FBXL13: variants seen among roughly 807,000 people sequenced by gnomAD.
The protein encoded by FBXL13 is F-box and leucine rich repeat protein 13, also known as F-box and leucine-rich repeat protein 13.
A neutral mutation model predicts 83.6 loss-of-function variants in FBXL13; 67 were observed. The observed-to-expected ratio is 0.80, with a 90% CI of 0.66 to 0.98. The LOEUF (loss-of-function observed/expected upper bound fraction) is 0.98. Among genes scored for constraint, FBXL13 ranks in the 50% least tolerant of loss-of-function variants. The pLI is 0.00. For missense variants in FBXL13, 822 were observed against 866.5 expected, an observed-to-expected ratio of 0.95 and a Z score of 0.64; for synonymous variants, 272 against 299.5, an observed-to-expected ratio of 0.91 and a Z score of 0.95.
intron 6 of FBXL13, among the ~76,000 whole-genome samples, chr7:102,983,088 G>T (rs937516979): frequency 3.3e-5 from 5 of 152,138 alleles, no homozygotes; most frequent in African/African-American, 1.2e-4. Context: ...ACCTTCAAAG[G>T]CCTGCTGGGA....
At chr7:102,907,975 A>T (rs190111228) in intron 11 of FBXL13, among the ~76,000 whole-genome samples, 1 of 152,334 alleles carries the variant, frequency 6.6e-6, no homozygotes, top group Non-Finnish European at 1.5e-5. Flanking sequence ...GGGACTGTAA[A>T]CTAGTTCAAC....
chr7:102,902,796 T>A (rs1813132485), intron 11 of FBXL13, among the ~76,000 whole-genome samples: 1 of 152,156 alleles, frequency 6.6e-6, no homozygotes, highest in Admixed American at 6.5e-5. Context: ...GTGTCTGCTT[T>A]TATGTCAGTG....
chr7:102,848,273 G>GGATATTATATAA (rs1299866637), intron 17 of FBXL13, among the ~76,000 whole-genome samples: 1 of 116,170 alleles, frequency 8.6e-6, no homozygotes, highest in Admixed American at 7.7e-5. Context: ...ATACACATTC[G>GGATATTATATAA]AGGCCGGGCG....
At chr7:103,017,370 G>A (rs1029240149) in intron 6 of FBXL13, among the ~76,000 whole-genome samples, 2 of 151,812 alleles carry the variant, frequency 1.3e-5, no homozygotes, top group African/African-American at 2.4e-5. Flanking sequence ...CCACAAAGAC[G>A]GGGAAAAAAC....
chr7:103,061,553 T>C (rs1797903867), intron 1 of FBXL13, among the ~76,000 whole-genome samples: 3 of 151,976 alleles, frequency 2.0e-5, no homozygotes, highest in African/African-American at 7.3e-5. Context: ...CAGCTCCTCC[T>C]CTCCTAAATG....
chr7:103,006,577 A>G (rs1335279507), intron 6 of FBXL13, among the ~76,000 whole-genome samples: 1 of 152,222 alleles, frequency 6.6e-6, no homozygotes, highest in Non-Finnish European at 1.5e-5. Flanking sequence ...GCTTAAATAT[A>G]AATGGAAAAG....
chr7:103,027,332 C>T, intron 5 of FBXL13, 117 bp downstream of exon 6: 1 of 654,344 alleles, frequency 1.5e-6, no homozygotes, highest in Non-Finnish European at 2.5e-6. Context: ...AGAATCCCAT[C>T]AAAAGTAGAT....
At chr7:103,054,422 C>T (rs1174730833) in intron 2 of FBXL13, among the ~76,000 whole-genome samples, 2 of 150,212 alleles carry the variant, frequency 1.3e-5, no homozygotes, top group African/African-American at 4.9e-5. Flanking sequence ...AGAGAGTTAT[C>T]ACACATGGTT....
At chr7:102,879,690 T>C (rs1342526443) in intron 14 of FBXL13, among the ~76,000 whole-genome samples, 1 of 152,088 alleles carries the variant, frequency 6.6e-6, no homozygotes, top group Non-Finnish European at 1.5e-5. Flanking sequence ...CTTGGGCATC[T>C]ATAGTTTTTT....
chr7:102,976,015 A>G, intron 6 of FBXL13: 1 of 766,406 alleles, frequency 1.3e-6, no homozygotes, highest in Non-Finnish European at 2.4e-6. Context: ...AACCCAGGTA[A>G]ACCCACGAGG....
chr7:102,941,471 A>G (rs1442534610), intron 8 of FBXL13, among the ~76,000 whole-genome samples: 2 of 152,178 alleles, frequency 1.3e-5, no homozygotes, highest in South Asian at 2.1e-4. Flanking sequence ...ATGCTCAGGG[A>G]GACTGATTTG....
At chr7:102,820,517 G>A (rs545968164) in intron 19 of FBXL13, among the ~76,000 whole-genome samples, 9 of 152,324 alleles carry the variant, frequency 5.9e-5, no homozygotes, top group Non-Finnish European at 1.2e-4. Context: ...AGACCGAGCA[G>A]TTAAGGCAGG....
chr7:102,942,186 G>C, intron 8 of FBXL13: 1 of 769,030 alleles, frequency 1.3e-6, no homozygotes, highest in Non-Finnish European at 2.2e-6. Context: ...CAAATGCCAA[G>C]CACTTTCCTA....
intron 11 of FBXL13, among the ~76,000 whole-genome samples, chr7:102,893,423 C>T (rs1811778412): frequency 6.6e-6 from 1 of 152,170 alleles, no homozygotes. Flanking sequence ...TCCAAGGTTA[C>T]ACAACTGGTT....
At chr7:102,889,266 G>C (rs1346648825) in intron 11 of FBXL13, among the ~76,000 whole-genome samples, 3 of 152,204 alleles carry the variant, frequency 2.0e-5, no homozygotes, top group Non-Finnish European at 4.4e-5. Flanking sequence ...GTCTGACACA[G>C]AGTGGGTGCT....
intron 6 of FBXL13, among the ~76,000 whole-genome samples, chr7:102,985,213 A>G (rs575548527): frequency 3.7e-4 from 56 of 152,316 alleles, no homozygotes; most frequent in African/African-American, 1.3e-3. Context: ...GAATTCTTTC[A>G]TGCTCACCAC....
At chr7:102,939,594 C>T (rs1176475459) in intron 8 of FBXL13, 2 of 1,596,988 alleles carry the variant, frequency 1.3e-6, no homozygotes, top group Middle Eastern at 1.7e-4. Flanking sequence ...TGGTAAGTTC[C>T]CCTGTATAGC....
intron 2 of FBXL13, among the ~76,000 whole-genome samples, chr7:103,037,419 C>CT (rs1484665075): frequency 6.6e-6 from 1 of 152,164 alleles, no homozygotes; most frequent in Non-Finnish European, 1.5e-5. Flanking sequence ...ATCAGTAAGA[C>CT]TTTTCAAATC....
chr7:102,827,031 G>A lies in FBXL13; in HGVS notation c.1855-4828C>T, dbSNP rs568776392. On this transcript the variant is annotated intron_variant, in intron 18 of 19. Transcript: ENST00000313221. ...GCTTTGCAGCTACTGTCAGCAAGAA[G>A]TAGAGTCTGTTTCCTCACCTCTTGA... is the stretch of plus-strand genomic sequence containing the variant. The A allele has an allele frequency of 1.8e-3, 738 of 399,952 alleles. 5 individuals carry two copies. Among genetic ancestry groups the A allele is most frequent in the Non-Finnish European group, 2.5e-3 (462 of 183,654 alleles). The allele number at this position is 399,952 out of a possible 1,614,324, so 24.8% of individuals were successfully genotyped here. A position where few individuals can be genotyped will look rare whatever the true frequency, so the allele number is the denominator to read the frequency against.
Sources: allele counts gnomAD v4.1 joint callset (sites outside exome capture counted in the v4.1 genomes callset), GRCh38; gene constraint gnomAD v4.1.1; transcripts MANE v1.5; gene names NCBI Gene and HGNC (gene_info 2026-07-23, HGNC 2026-07-21).